The following ZNF804B variants were observed in gnomAD, a reference collection of about 807,000 sequenced individuals.
The protein encoded by ZNF804B is zinc finger protein 804B, also known as zinc finger 804B.
Under a neutral mutation model 101.4 loss-of-function variants are expected in ZNF804B, and 80 were observed. That is an observed-to-expected ratio of 0.79 (90% CI 0.66 to 0.95). ZNF804B has a LOEUF of 0.95. Among genes scored for constraint, ZNF804B ranks in the 40% least tolerant of loss-of-function variants. The pLI is 0.00. For missense variants in ZNF804B, 1,673 were observed against 1,561.9 expected (o/e 1.07, Z -1.20); for synonymous variants, 622 against 558.8 (o/e 1.11, Z -1.59).
At chr7:89,146,083 C>T (rs538096984) in intron 1 of ZNF804B, among the ~76,000 whole-genome samples, 1 of 152,114 alleles carries the variant, frequency 6.6e-6, no homozygotes, top group Non-Finnish European at 1.5e-5. Flanking sequence ...AGCATTAAGC[C>T]ATTATCCCCT....
chr7:88,804,837 G>A (rs1242639707), intron 1 of ZNF804B, among the ~76,000 whole-genome samples: 2 of 152,040 alleles, frequency 1.3e-5, no homozygotes, highest in Admixed American at 1.3e-4. Flanking sequence ...TAGAGCTGGA[G>A]GGGAACTTGG....
At chr7:88,956,627 GA>G (rs1420853911) in intron 1 of ZNF804B, among the ~76,000 whole-genome samples, 1 of 150,954 alleles carries the variant, frequency 6.6e-6, no homozygotes, top group African/African-American at 2.4e-5. Context: ...TCTGAAAGCA[GA>G]AAAAATTACC....
chr7:88,766,004 A>C (rs918071180), intron 1 of ZNF804B, among the ~76,000 whole-genome samples: 2 of 152,192 alleles, frequency 1.3e-5, no homozygotes, highest in Admixed American at 6.5e-5. Flanking sequence ...AAAAAAACAC[A>C]AAAGAGTATT....
chr7:89,256,942 A>G (rs1305632158), intron 2 of ZNF804B, among the ~76,000 whole-genome samples: 1 of 152,218 alleles, frequency 6.6e-6, no homozygotes, highest in Non-Finnish European at 1.5e-5. Context: ...CATATGTTTA[A>G]TACTTTTCAT....
intron 1 of ZNF804B, among the ~76,000 whole-genome samples, chr7:88,924,386 C>T (rs1792765662): frequency 6.6e-6 from 1 of 152,030 alleles, no homozygotes; most frequent in African/African-American, 2.4e-5. Context: ...GTCTGATTTT[C>T]CTGTTCTTAT....
At chr7:88,898,898 C>G (rs966511913) in intron 1 of ZNF804B, among the ~76,000 whole-genome samples, 1 of 152,128 alleles carries the variant, frequency 6.6e-6, no homozygotes. Context: ...CCATTGTTTC[C>G]TAGAACTGCA....
intron 1 of ZNF804B, among the ~76,000 whole-genome samples, chr7:89,104,393 C>G (rs1020844248): frequency 6.6e-6 from 1 of 151,920 alleles, no homozygotes; most frequent in South Asian, 2.1e-4. Context: ...GATTTTTCTA[C>G]TACTGATTCA....
intron 2 of ZNF804B, among the ~76,000 whole-genome samples, chr7:89,244,673 G>C: frequency 6.6e-6 from 1 of 152,128 alleles, no homozygotes; most frequent in Middle Eastern, 3.4e-3. Flanking sequence ...ATAAATACTG[G>C]GGAATGCCCA....
intron 1 of ZNF804B, among the ~76,000 whole-genome samples, chr7:88,813,521 G>A (rs1000892448): frequency 1.3e-5 from 2 of 151,636 alleles, no homozygotes; most frequent in East Asian, 3.9e-4. Context: ...GTAGACTAAG[G>A]TTTCTTACTG....
chr7:89,014,720 A>G (rs1788516525), intron 1 of ZNF804B, among the ~76,000 whole-genome samples: 1 of 152,152 alleles, frequency 6.6e-6, no homozygotes, highest in Non-Finnish European at 1.5e-5. Context: ...TTTGCTGTTG[A>G]GATGTTTGAT....
At chr7:89,011,788 G>A (rs1014285358) in intron 1 of ZNF804B, among the ~76,000 whole-genome samples, 5 of 152,112 alleles carry the variant, frequency 3.3e-5, no homozygotes, top group African/African-American at 1.2e-4. Context: ...TTTATGGGCT[G>A]GCTTTGACTG....
At chr7:88,873,441 T>C (rs1791872216) in intron 1 of ZNF804B, among the ~76,000 whole-genome samples, 1 of 152,208 alleles carries the variant, frequency 6.6e-6, no homozygotes, top group Non-Finnish European at 1.5e-5. Flanking sequence ...CTGATGGTAG[T>C]TTCTTTTGCT....
chr7:89,056,882 A>C lies in ZNF804B; in HGVS notation c.109-161273A>C, dbSNP rs540868138. Among the ~76,000 whole-genome samples the C allele has an allele frequency of 7.9e-5, 12 of 152,226 alleles. No homozygotes were observed. In the South Asian group the frequency reaches 1.7e-3, roughly 21 times the overall value. On this transcript the variant is annotated intron_variant, in intron 1 of 3. Coordinates refer to ENST00000333190, the MANE Select transcript of ZNF804B (RefSeq NM_181646.5). ...TTAGTCATCGTGTCACTGAATGAAG[A>C]GATGGGAAGAAACCTCAAATCTATC...
At chr7:88,986,736 A>C (rs1355422608) in intron 1 of ZNF804B, among the ~76,000 whole-genome samples, 1 of 152,106 alleles carries the variant, frequency 6.6e-6, no homozygotes, top group Non-Finnish European at 1.5e-5. Flanking sequence ...TGTCCTTATC[A>C]TGGCCTATTT....
chr7:88,815,767 C>G (rs1420020583), intron 1 of ZNF804B, among the ~76,000 whole-genome samples: 1 of 152,112 alleles, frequency 6.6e-6, no homozygotes, highest in African/African-American at 2.4e-5. Flanking sequence ...CCTCCCTGCT[C>G]TTTTGGGGCT....
At chr7:88,916,710 C>G (rs950112792) in intron 1 of ZNF804B, among the ~76,000 whole-genome samples, 1 of 152,030 alleles carries the variant, frequency 6.6e-6, no homozygotes, top group Non-Finnish European at 1.5e-5. Flanking sequence ...AAATATTGTA[C>G]AGTCCTATAG....
chr7:88,920,557 T>A (rs1792705246), intron 1 of ZNF804B, among the ~76,000 whole-genome samples: 7 of 151,940 alleles, frequency 4.6e-5, no homozygotes. Flanking sequence ...TGGGTCATTA[T>A]CCCGTATTAT....
intron 1 of ZNF804B, among the ~76,000 whole-genome samples, chr7:88,974,963 A>T (rs933991805): frequency 6.6e-6 from 1 of 150,988 alleles, no homozygotes; most frequent in Non-Finnish European, 1.5e-5. Flanking sequence ...CCATCACTCT[A>T]CTCTCTACCT....
intron 2 of ZNF804B, among the ~76,000 whole-genome samples, chr7:89,302,750 C>A (rs939228028): frequency 2.6e-5 from 4 of 151,834 alleles, no homozygotes; most frequent in Non-Finnish European, 5.9e-5. Context: ...AACACATAAA[C>A]CATCTTTGTA....
Sources: allele counts gnomAD v4.1 joint callset (sites outside exome capture counted in the v4.1 genomes callset), GRCh38; gene constraint gnomAD v4.1.1; transcripts MANE v1.5; gene names NCBI Gene and HGNC (gene_info 2026-07-23, HGNC 2026-07-21).